PCCA: variants seen among roughly 807,000 people sequenced by gnomAD.
The protein encoded by PCCA is propionyl-CoA carboxylase alpha chain, mitochondrial.
In PCCA, 74 loss-of-function variants were observed where a neutral mutation model predicts 101.3. The ratio of observed to expected loss-of-function variants is 0.73; its 90% CI spans 0.61 to 0.89. The LOEUF (loss-of-function observed/expected upper bound fraction) is 0.89, where lower values mean the gene tolerates loss of function less well. Ranked by LOEUF, PCCA falls within the 40% of genes least tolerant of loss-of-function variation. The probability of loss-of-function intolerance (pLI) is 0.00; values close to 1 mark genes in which losing one functional copy is unlikely to be tolerated. For synonymous variants in PCCA, 294 were observed against 313.6 expected (o/e 0.94, Z 0.66); for missense variants, 891 against 907.0 (o/e 0.98, Z 0.23).
chr13:100,141,236 A>G (rs1433501781), intron 4 of PCCA, among the ~76,000 whole-genome samples: 1 of 152,086 alleles, frequency 6.6e-6, no homozygotes, highest in African/African-American at 2.4e-5. Context: ...TTTTCAAGCC[A>G]TCTCACAGAT....
chr13:100,517,286 G>C (rs151012068), intron 22 of PCCA, among the ~76,000 whole-genome samples: 22 of 152,350 alleles, frequency 1.4e-4, no homozygotes, highest in Non-Finnish European at 2.2e-4. Context: ...CCCAAGGCCA[G>C]ATCAGCGCAG....
intron 21 of PCCA, among the ~76,000 whole-genome samples, chr13:100,488,345 G>A (rs912817336): frequency 4.6e-5 from 7 of 152,092 alleles, no homozygotes; most frequent in Non-Finnish European, 7.3e-5. Context: ...CACCCGCCTC[G>A]GCTTCCCAAA....
chr13:100,169,702 A>AC (rs1555365505), intron 6 of PCCA, among the ~76,000 whole-genome samples: 1 of 135,338 alleles, frequency 7.4e-6, no homozygotes, highest in Non-Finnish European at 1.6e-5. Context: ...TAATTTCTGT[A>AC]TTTTTTTTTT....
intron 18 of PCCA, among the ~76,000 whole-genome samples, chr13:100,346,958 C>T (rs971521668): frequency 6.3e-4 from 96 of 152,176 alleles, no homozygotes; most frequent in Admixed American, 4.8e-3. Flanking sequence ...ACTGCAACCT[C>T]CGCCTCCTGT....
intron 6 of PCCA, among the ~76,000 whole-genome samples, chr13:100,164,126 C>A (rs944942729): frequency 3.9e-5 from 6 of 152,090 alleles, no homozygotes; most frequent in Non-Finnish European, 5.9e-5. Context: ...TGAGTTAGGA[C>A]ATTTCTTTAA....
rs151204128 is a variant in PCCA, at chr13:100,220,522, C to T, written c.600+11059C>T. On this transcript the variant is annotated intron_variant, in intron 7 of 23. Coordinates refer to ENST00000376285, the MANE Select transcript of PCCA (RefSeq NM_000282.4). ...CTTACTTCAAGTGATCCACCTGCCT[C>T]GGCCTCCCAAAGTGTTGGGATTACA... 3.7e-3 allele frequency among the ~76,000 whole-genome samples: 561 copies of T among 151,514 alleles called. 3 individuals carry two copies. The highest frequency in any genetic ancestry group is 0.013 in the African/African-American group (531 of 41,254).
intron 7 of PCCA, among the ~76,000 whole-genome samples, chr13:100,234,542 A>G (rs558677968): frequency 6.6e-6 from 1 of 151,982 alleles, no homozygotes; most frequent in South Asian, 2.1e-4. Flanking sequence ...ACAAGCACCT[A>G]TTTGTGGAGC....
At chr13:100,115,979 T>A (rs1417449039) in intron 4 of PCCA, among the ~76,000 whole-genome samples, 1 of 152,156 alleles carries the variant, frequency 6.6e-6, no homozygotes, top group Non-Finnish European at 1.5e-5. Context: ...AGGATAATGA[T>A]GGTGGGAATG....
At chr13:100,449,463 A>G (rs755324933) in intron 21 of PCCA, among the ~76,000 whole-genome samples, 158 bp downstream of exon 21, 1 of 152,130 alleles carries the variant, frequency 6.6e-6, no homozygotes, top group Non-Finnish European at 1.5e-5. Flanking sequence ...ACAACTTCAT[A>G]TATTTCACTT....
Position 100,262,783 on chromosome 13 carries a change from A to G in PCCA, c.771A>G (p.Arg257=), listed in dbSNP as rs1483857199. Residue 257 remains arginine (R), a synonymous_variant, in exon 10 of 24, where the codon AGA becomes AGG. Coordinates refer to ENST00000376285, the MANE Select transcript of PCCA (RefSeq NM_000282.4). ...CTGCTTCTAGTTTTGGCGATGATAG[A>G]CTACTAATAGAAAAATTTATTGATA... ...QEAASSFGDD[R]LLIEKFIDNP... The G allele has an allele frequency of 3.8e-6, 6 of 1,583,540 alleles. No individual in the cohort carries two copies. Among genetic ancestry groups the G allele is most frequent in the Non-Finnish European group, 5.2e-6 (6 of 1,154,060 alleles).
chr13:100,098,819 AG>A (rs2047008326), intron 1 of PCCA, among the ~76,000 whole-genome samples: 4 of 152,174 alleles, frequency 2.6e-5, no homozygotes, highest in South Asian at 2.1e-4. Flanking sequence ...GGCTTTTGGC[AG>A]ACACTGAAGA....
chr13:100,440,549 T>C (rs891750216), intron 20 of PCCA, among the ~76,000 whole-genome samples: 1 of 152,070 alleles, frequency 6.6e-6, no homozygotes, highest in Non-Finnish European at 1.5e-5. Flanking sequence ...GTAAAATTAA[T>C]ATTTTAATTA....
chr13:100,298,162 G>A (rs140900308), intron 12 of PCCA, among the ~76,000 whole-genome samples: 3 of 152,108 alleles, frequency 2.0e-5, no homozygotes, highest in African/African-American at 7.2e-5. Context: ...TCAAATATTT[G>A]TGTGGTAAGG....
chr13:100,525,687 C>T (rs837331), intron 22 of PCCA, among the ~76,000 whole-genome samples: 1,813 of 152,300 alleles, frequency 0.012, 32 homozygotes, highest in African/African-American at 0.041. Context: ...TGGGAGGGGA[C>T]GTGTGGTGGA....
chr13:100,232,999 C>T (rs564966431), intron 7 of PCCA, among the ~76,000 whole-genome samples: 10 of 152,238 alleles, frequency 6.6e-5, no homozygotes, highest in African/African-American at 2.4e-4. Context: ...ATGGATGTAC[C>T]AGTCCTTTGT....
intron 6 of PCCA, among the ~76,000 whole-genome samples, chr13:100,191,489 A>T (rs1177657086): frequency 6.6e-6 from 1 of 152,160 alleles, no homozygotes; most frequent in East Asian, 1.9e-4. Context: ...ATCCTCACAG[A>T]TAGGGAAACT....
chr13:100,422,070 T>TCTCTCTTTC (rs1555454058), intron 19 of PCCA, among the ~76,000 whole-genome samples: 10 of 110,666 alleles, frequency 9.0e-5, no homozygotes, highest in African/African-American at 3.1e-4. Context: ...TTCTCTTTTC[T>TCTCTCTTTC]TTTCTTTCTT....
chr13:100,167,853 G>T (rs990585861), intron 6 of PCCA, among the ~76,000 whole-genome samples: 5 of 151,914 alleles, frequency 3.3e-5, no homozygotes, highest in African/African-American at 1.2e-4. Flanking sequence ...TGCAAGCTCT[G>T]CCTCCCGGGT....
At chr13:100,179,415 G>T (rs1460365149) in intron 6 of PCCA, among the ~76,000 whole-genome samples, 1 of 152,116 alleles carries the variant, frequency 6.6e-6, no homozygotes. Flanking sequence ...TTGAATTGGG[G>T]TAATAATCTG....
Sources: allele counts gnomAD v4.1 joint callset (sites outside exome capture counted in the v4.1 genomes callset), GRCh38; gene constraint gnomAD v4.1.1; transcripts MANE v1.5; gene names NCBI Gene and HGNC (gene_info 2026-07-23, HGNC 2026-07-21).